Variants in TSNAX observed in about 807,000 individuals in gnomAD.
TSNAX encodes translin associated factor X, also known as translin-associated protein X.
In TSNAX, 12 loss-of-function variants were observed where a neutral mutation model predicts 33.0. The ratio of observed to expected loss-of-function variants is 0.36; its 90% CI spans 0.23 to 0.59. TSNAX has a LOEUF of 0.59. TSNAX is among the 20% of genes least tolerant of loss of function. The pLI, the probability that TSNAX is intolerant of heterozygous loss-of-function variation, is 0.74. For synonymous variants in TSNAX, 110 were observed against 117.2 expected (o/e 0.94, Z 0.40); for missense variants, 267 against 341.3 (o/e 0.78, Z 1.72).
chr1:231,548,066 T>C (rs1246926525), intron 4 of TSNAX, among the ~76,000 whole-genome samples: 1 of 149,844 alleles, frequency 6.7e-6, no homozygotes, highest in South Asian at 2.1e-4. Flanking sequence ...GGTCTTGATC[T>C]CCGTGATCCG....
At chr1:231,543,506 G>A (rs1454669167) in intron 4 of TSNAX, among the ~76,000 whole-genome samples, 1 of 152,070 alleles carries the variant, frequency 6.6e-6, no homozygotes, top group African/African-American at 2.4e-5. Context: ...AAACGTTTTG[G>A]ATTTTGGACC....
At chr1:231,553,580 A>G (rs1272894161) in intron 4 of TSNAX, among the ~76,000 whole-genome samples, 1 of 152,188 alleles carries the variant, frequency 6.6e-6, no homozygotes, top group Non-Finnish European at 1.5e-5. Context: ...TTGTTTAAAC[A>G]TCCTCTTACC....
At chr1:231,540,288 G>T (rs1659490959) in intron 3 of TSNAX, among the ~76,000 whole-genome samples, 1 of 151,148 alleles carries the variant, frequency 6.6e-6, no homozygotes, top group African/African-American at 2.4e-5. Flanking sequence ...TATTTTAATA[G>T]ACATAGATAA....
chr1:231,542,687 T>C, intron 4 of TSNAX, 76 bp downstream of exon 4: 1 of 1,455,616 alleles, frequency 6.9e-7, no homozygotes. Flanking sequence ...GTTGCATGAA[T>C]TTTAAGTGAC....
chr1:231,548,583 T>A (rs1229102380), intron 4 of TSNAX, among the ~76,000 whole-genome samples: 1 of 152,208 alleles, frequency 6.6e-6, no homozygotes, highest in Non-Finnish European at 1.5e-5. Flanking sequence ...AGTTTATTTT[T>A]AAAAAGCAGA....
At chr1:231,531,749 G>C (rs1658732774) in intron 2 of TSNAX, among the ~76,000 whole-genome samples, 1 of 152,134 alleles carries the variant, frequency 6.6e-6, no homozygotes, top group Admixed American at 6.6e-5. Context: ...CTATAGGCCA[G>C]GCAGCTTGCG....
chr1:231,542,328 A>AC (rs1308548179), intron 3 of TSNAX, 153 bp from the exon 4 acceptor site: 1 of 697,600 alleles, frequency 1.4e-6, no homozygotes, highest in Non-Finnish European at 2.2e-6. Context: ...TAACATTTTC[A>AC]TGTTCTCCAT....
At chr1:231,551,549 AC>A (rs368426423) in intron 4 of TSNAX, among the ~76,000 whole-genome samples, 91 of 152,218 alleles carry the variant, frequency 6.0e-4, no homozygotes, top group African/African-American at 2.0e-3. Context: ...TTCATTCCTG[AC>A]CTTTCTTGAA....
Position 231,564,624 on chromosome 1 carries a change from T to C in TSNAX, c.592T>C (p.Leu198=). The C allele has an allele frequency of 6.2e-7, 1 of 1,614,104 alleles. No homozygotes were observed. The highest frequency in any genetic ancestry group is 2.2e-5 in the East Asian group (1 of 44,872). Residue 198 remains leucine (L), a synonymous_variant, in exon 6 of 6, where the codon TTG becomes CTG. Transcript: ENST00000366639. ...LLGVADLTGE[L]MRMCINSVGN... ...GGGAGTGGCTGACTTAACTGGAGAATTGATGCGGATGTGTATTAACAGTGT... is the reference window on the plus strand; with the variant it reads ...GGGAGTGGCTGACTTAACTGGAGAACTGATGCGGATGTGTATTAACAGTGT...
intron 4 of TSNAX, among the ~76,000 whole-genome samples, chr1:231,559,585 C>T (rs1341628214): frequency 6.6e-6 from 1 of 152,164 alleles, no homozygotes; most frequent in African/African-American, 2.4e-5. Context: ...GCCTTGGCCT[C>T]CCAAAGTGCT....
chr1:231,535,657 G>C (rs1659115718), intron 2 of TSNAX: 1 of 152,182 alleles, frequency 6.6e-6, no homozygotes, highest in Admixed American at 6.5e-5. Flanking sequence ...ATATGTAATA[G>C]ATAGAAACAA....
chr1:231,566,115 A>AT lies in TSNAX; in HGVS notation c.*1213dup, dbSNP rs1411885807. On this transcript the variant is annotated 3_prime_UTR_variant, in exon 6 of 6. Transcript: ENST00000366639. ...TAAATCTAGCATTTAAATTTAAATA[A>AT]TTTAAGTCTAGCATTTACTTTTAAA... 6.6e-6 allele frequency: 1 copy of AT among 152,566 alleles called. No homozygotes were observed. The highest frequency in any genetic ancestry group is 2.4e-5 in the African/African-American group (1 of 41,440). 9.5% of individuals were successfully genotyped at this position (152,566 alleles called of 1,614,324 possible).
intron 2 of TSNAX, among the ~76,000 whole-genome samples, chr1:231,531,214 T>G (rs1024035336): frequency 6.6e-6 from 1 of 152,120 alleles, no homozygotes; most frequent in Non-Finnish European, 1.5e-5. Flanking sequence ...CGTCTCGGCC[T>G]CTCAGAGTGC....
chr1:231,532,171 C>CACACACACACACACA (rs1658788278), intron 2 of TSNAX, among the ~76,000 whole-genome samples: 1 of 93,970 alleles, frequency 1.1e-5, no homozygotes, highest in East Asian at 2.1e-4. Flanking sequence ...CACACACACA[C>CACACACACACACACA]ACACACACAC....
chr1:231,560,404 T>TCCCCCCCC (rs1491140441), intron 4 of TSNAX, among the ~76,000 whole-genome samples: 1 of 76,970 alleles, frequency 1.3e-5, no homozygotes, highest in African/African-American at 5.4e-5. Flanking sequence ...GCTTTTCTTT[T>TCCCCCCCC]CTCCCCCCCC....
intron 4 of TSNAX, among the ~76,000 whole-genome samples, chr1:231,548,756 C>T (rs1003036480): frequency 2.0e-5 from 3 of 152,156 alleles, no homozygotes; most frequent in Admixed American, 6.5e-5. Context: ...CAATTTGATA[C>T]GTAGGTCTAC....
rs181613867 is a variant in TSNAX, at chr1:231,528,696, C to G, written c.-115C>G. The G allele has an allele frequency of 3.8e-4, 477 of 1,255,388 alleles. 1 individual carries two copies. Among genetic ancestry groups the G allele is most frequent in the African/African-American group, 3.8e-3 (255 of 67,572 alleles). 77.8% of individuals were successfully genotyped at this position (1,255,388 alleles called of 1,614,324 possible). On this transcript the variant is annotated 5_prime_UTR_variant, in exon 1 of 6. Transcript: ENST00000366639. Reference sequence around the variant, plus strand: ...GGCCACTGCGTTGTAGTCGGCCCGGCTGCAAAGCGTTTTTCTGCAGGCTGT... The same window carrying G: ...GGCCACTGCGTTGTAGTCGGCCCGGGTGCAAAGCGTTTTTCTGCAGGCTGT...
chr1:231,543,083 C>G (rs1659681857), intron 4 of TSNAX, among the ~76,000 whole-genome samples: 1 of 151,638 alleles, frequency 6.6e-6, no homozygotes, highest in Non-Finnish European at 1.5e-5. Flanking sequence ...GAGGCTGAGG[C>G]AGGAGAATCA....
At chr1:231,556,845 A>G (rs1660728604) in intron 4 of TSNAX, among the ~76,000 whole-genome samples, 1 of 152,212 alleles carries the variant, frequency 6.6e-6, no homozygotes, top group Non-Finnish European at 1.5e-5. Flanking sequence ...TTATGACTTA[A>G]CTATAGCATG....
Sources: allele counts gnomAD v4.1 joint callset (sites outside exome capture counted in the v4.1 genomes callset), GRCh38; gene constraint gnomAD v4.1.1; transcripts MANE v1.5; gene names NCBI Gene and HGNC (gene_info 2026-07-23, HGNC 2026-07-21).